The following TMEM145 variants were observed in gnomAD, a reference collection of about 807,000 sequenced individuals.
TMEM145 encodes the protein transmembrane protein 145.
TMEM145 carries 46 observed loss-of-function variants against 68.5 expected under a neutral mutation model. That is an observed-to-expected ratio of 0.67 (90% CI 0.53 to 0.86). The LOEUF is 0.86. TMEM145 is among the 40% of genes least tolerant of loss of function. The probability of loss-of-function intolerance (pLI) is 0.00; values close to 1 mark genes in which losing one functional copy is unlikely to be tolerated. For synonymous variants in TMEM145, 255 were observed against 280.2 expected (o/e 0.91, Z 0.90); for missense variants, 570 against 645.8 (o/e 0.88, Z 1.27).
At chr19:42,318,922 A>G (rs2038886299) in intron 12 of TMEM145, among the ~76,000 whole-genome samples, 1 of 152,076 alleles carries the variant, frequency 6.6e-6, no homozygotes, top group Non-Finnish European at 1.5e-5. Flanking sequence ...TCTTTACTAA[A>G]AATACAAAAA....
chr19:42,323,457 A>T, intron 13 of TMEM145, 126 bp from the exon 14 acceptor site: 1 of 877,754 alleles, frequency 1.1e-6, no homozygotes, highest in African/African-American at 1.7e-5. Context: ...CGCCTAATCC[A>T]GTGTGAATGG....
chr19:42,321,227 CTT>C (rs780768912), intron 13 of TMEM145: 3,244 of 359,614 alleles, frequency 9.0e-3, no homozygotes, highest in Middle Eastern at 0.017. Flanking sequence ...AGCACCACAT[CTT>C]TTTTTTTTTT....
intron 12 of TMEM145, 151 bp from the exon 13 acceptor site, chr19:42,320,166 T>C: frequency 9.3e-7 from 1 of 1,071,404 alleles, no homozygotes. Flanking sequence ...CCTGCCCCAT[T>C]TCAGTCTCTG....
chr19:42,322,679 ATATTTATT>A (rs113003304), intron 13 of TMEM145, among the ~76,000 whole-genome samples: 2 of 151,330 alleles, frequency 1.3e-5, no homozygotes, highest in South Asian at 2.1e-4. Context: ...CATTCCACCA[ATATTTATT>A]TATTTATTTA....
chr19:42,318,137 G>A (rs1434968189), intron 12 of TMEM145, among the ~76,000 whole-genome samples: 2 of 152,020 alleles, frequency 1.3e-5, no homozygotes, highest in Non-Finnish European at 2.9e-5. Flanking sequence ...GGAGGCCGAG[G>A]TGGGCGTATC....
At chr19:42,321,067 T>A in intron 13 of TMEM145, 1 of 398,854 alleles carries the variant, frequency 2.5e-6, no homozygotes, top group Non-Finnish European at 4.4e-6. Context: ...CTCTTTTGTA[T>A]CCCCACTGCC....
intron 12 of TMEM145, among the ~76,000 whole-genome samples, 173 bp downstream of exon 12, chr19:42,318,054 G>A (rs1294593905): frequency 1.3e-5 from 2 of 152,216 alleles, no homozygotes; most frequent in Non-Finnish European, 2.9e-5. Context: ...CACAAGAAGT[G>A]CATCAGGTTT....
intron 13 of TMEM145, among the ~76,000 whole-genome samples, chr19:42,322,103 G>A (rs1175001438): frequency 5.9e-5 from 9 of 152,152 alleles, no homozygotes; most frequent in East Asian, 1.9e-4. Context: ...AACGTACCCC[G>A]TGTAGGGAGT....
At chr19:42,322,324 G>C (rs994463947) in intron 13 of TMEM145, among the ~76,000 whole-genome samples, 6 of 152,132 alleles carry the variant, frequency 3.9e-5, no homozygotes, top group African/African-American at 1.4e-4. Flanking sequence ...TTCCAAGTAG[G>C]CGCTACAGTC....
chr19:42,322,269 G>A (rs1173478015), intron 13 of TMEM145, among the ~76,000 whole-genome samples: 1 of 152,220 alleles, frequency 6.6e-6, no homozygotes, highest in Non-Finnish European at 1.5e-5. Context: ...AACCCATCAT[G>A]TGCTGGGCTC....
Position 42,316,978 on chromosome 19 carries a change from C to G in TMEM145, c.900+15C>G. On this transcript the variant is annotated intron_variant, in intron 11 of 14. Transcript: ENST00000301204. ...ACGAGGCGGAAGTGAGTCCGACTGG[C>G]CCCTGGCCGGGCCCTGCCTTCCCCT... The G allele has an allele frequency of 1.9e-6, 3 of 1,609,730 alleles. No homozygotes were observed. The highest frequency in any genetic ancestry group is 2.5e-6 in the Non-Finnish European group (3 of 1,178,304).
chr19:42,314,149 C>T, intron 1 of TMEM145, 123 bp from the exon 2 acceptor site: 1 of 972,870 alleles, frequency 1.0e-6, no homozygotes, highest in Non-Finnish European at 1.6e-6. Context: ...TGGAGGTGAC[C>T]TGGTCTCCTT....
Position 42,325,036 on chromosome 19 carries a change from A to G in TMEM145, c.*219A>G. On this transcript the variant is annotated 3_prime_UTR_variant, in exon 15 of 15. Coordinates refer to ENST00000301204, the MANE Select transcript of TMEM145 (RefSeq NM_173633.3). ...AAGACATTTTACCCCTTCTTGCCAA[A>G]ATAAAAAAGGATTCGTTTTTATCTA... 1.6e-6 allele frequency: 1 copy of G among 639,614 alleles called. No individual in the cohort carries two copies. The highest frequency in any genetic ancestry group is 2.2e-6 in the Non-Finnish European group (1 of 445,098). 39.6% of individuals were successfully genotyped at this position (639,614 alleles called of 1,614,324 possible). A position where few individuals can be genotyped will look rare whatever the true frequency, so the allele number is the denominator to read the frequency against.
At chr19:42,324,362 G>T in intron 14 of TMEM145, 1 of 985,300 alleles carries the variant, frequency 1.0e-6, no homozygotes, top group Non-Finnish European at 1.2e-6. Context: ...GCCGGGCGCA[G>T]CCTCCCCCCC....
At chr19:42,315,297 A>C (rs1429775742) in intron 7 of TMEM145, 38 bp downstream of exon 7, 1 of 1,613,716 alleles carries the variant, frequency 6.2e-7, no homozygotes, top group Non-Finnish European at 8.5e-7. Context: ...AAGAGATAGG[A>C]GGGAGCAGGG....
In TMEM145 at chr19:42,315,407, T is replaced by C. The variant is rs776632106; in HGVS notation, c.613T>C (p.Tyr205His). ...LKGRQLLHTT[Y>H]KMFMAAAGVE... is the part of the protein sequence containing the mutation. ...AGGTCGTCAGTTGCTCCACACAACT[T>C]ATAAAATGTTCATGGCCGCAGCAGG... The change falls in exon 8 of 15, where the codon TAT becomes CAT. Residue 205 changes from tyrosine (Y) to histidine (H), a missense_variant. Transcript: ENST00000301204. 1 of 1,614,124 alleles carries C rather than the reference T, an allele frequency of 6.2e-7. No homozygotes were observed. Among genetic ancestry groups the C allele is most frequent in the Non-Finnish European group, 8.5e-7 (1 of 1,180,008 alleles).
At chr19:42,323,272 T>A (rs1394646955) in intron 13 of TMEM145, among the ~76,000 whole-genome samples, 1 of 152,324 alleles carries the variant, frequency 6.6e-6, no homozygotes, top group East Asian at 1.9e-4. Context: ...AATTTAAATT[T>A]TATTTTGATT....
intron 13 of TMEM145, chr19:42,321,386 GTTTTTTTTTT>G (rs751803295): frequency 8.1e-5 from 13 of 160,012 alleles, no homozygotes; most frequent in Admixed American, 6.5e-4. Context: ...CGGTTAAGTG[GTTTTTTTTTT>G]TTTTTTTTTT....
At position 42,314,268 on chromosome 19, in the gene TMEM145, T is replaced by C. The variant is rs766822899; in HGVS notation, c.121-4T>C. The C allele has an allele frequency of 1.9e-6, 3 of 1,614,028 alleles. No homozygotes were observed. Among genetic ancestry groups the C allele is most frequent in the Non-Finnish European group, 2.5e-6 (3 of 1,179,986 alleles). The stretch of plus-strand genomic sequence containing the variant: ...CGGAGGGTCAGACTGGGCCCCTTTT[T>C]CAGGACTGGGTGTTCCTGACAAGAT... On this transcript the variant is annotated splice_polypyrimidine_tract_variant and splice_region_variant and intron_variant, in intron 1 of 14. Coordinates refer to ENST00000301204, the MANE Select transcript of TMEM145 (RefSeq NM_173633.3).
Sources: gnomAD v4.1 joint callset for allele counts (sites outside exome capture counted in the v4.1 genomes callset) on GRCh38, gnomAD v4.1.1 for gene constraint, MANE v1.5 for transcripts, NCBI Gene and HGNC (gene_info 2026-07-23, HGNC 2026-07-21) for gene names.